Variants in LRRCC1 observed in about 807,000 individuals in gnomAD.
LRRCC1 encodes leucine-rich repeat and coiled-coil domain-containing protein 1.
In LRRCC1, 115 loss-of-function variants were observed where a neutral mutation model predicts 126.0. The observed-to-expected ratio is 0.91, with a 90% CI of 0.78 to 1.07. LRRCC1 has a LOEUF of 1.07. Ranked by LOEUF, LRRCC1 falls within the 50% of genes least tolerant of loss-of-function variation. The probability of loss-of-function intolerance (pLI) is 0.00; values close to 1 mark genes in which losing one functional copy is unlikely to be tolerated. For synonymous variants in LRRCC1, 400 were observed against 393.4 expected (o/e 1.02, Z -0.20); for missense variants, 1,172 against 1,175.7 (o/e 1.00, Z 0.05).
intron 9 of LRRCC1, among the ~76,000 whole-genome samples, chr8:85,127,590 A>T (rs2135963049): frequency 6.6e-6 from 1 of 152,158 alleles, no homozygotes; most frequent in East Asian, 1.9e-4. Flanking sequence ...CCCCTTCTAA[A>T]ATCTGATTTG....
intron 3 of LRRCC1, 71 bp downstream of exon 3, chr8:85,110,251 A>G (rs541205261): frequency 4.8e-6 from 3 of 625,462 alleles, no homozygotes; most frequent in Admixed American, 5.9e-5. Flanking sequence ...CAGCTCAGCT[A>G]AACATGTTGG....
At chr8:85,122,542 A>G (rs1477721748) in intron 6 of LRRCC1, among the ~76,000 whole-genome samples, 3 of 152,118 alleles carry the variant, frequency 2.0e-5, no homozygotes, top group Non-Finnish European at 4.4e-5. Flanking sequence ...TACTTCAGAC[A>G]TTGTATTTTT....
chr8:85,125,314 G>A (rs988034991), intron 8 of LRRCC1, among the ~76,000 whole-genome samples: 1 of 152,032 alleles, frequency 6.6e-6, no homozygotes, highest in African/African-American at 2.4e-5. Context: ...TCAAAAAAAT[G>A]TATATATTTC....
At position 85,115,485 on chromosome 8, in the gene LRRCC1, T is replaced by G; in HGVS notation, c.831T>G (p.Cys277Trp). 6.2e-7 allele frequency: 1 copy of G among 1,613,748 alleles called. No individual in the cohort carries two copies. Among genetic ancestry groups the G allele is most frequent in the South Asian group, 1.1e-5 (1 of 91,070 alleles). ...DAVLTSFMSV[C>W]QSSEPEKNNH... ...TGTTGACGTCTTTTATGTCTGTGTGTCAATCTTCTGAGCCAGAGAAAAATA... is the reference window on the plus strand; with the variant it reads ...TGTTGACGTCTTTTATGTCTGTGTGGCAATCTTCTGAGCCAGAGAAAAATA... Residue 277 changes from cysteine to tryptophan, a missense_variant, in exon 6 of 19, where the codon TGT (cysteine) becomes TGG (tryptophan). By Grantham distance (215) the Cys-to-Trp change is radical (BLOSUM62 -2). Transcript: ENST00000360375.
At chr8:85,123,895 G>C (rs1809761366) in intron 7 of LRRCC1, among the ~76,000 whole-genome samples, 1 of 152,054 alleles carries the variant, frequency 6.6e-6, no homozygotes, top group Non-Finnish European at 1.5e-5. Context: ...TCTAGGTTTA[G>C]TTCAATCAAA....
chr8:85,144,014 CATT>C (rs1811445976), intron 18 of LRRCC1, among the ~76,000 whole-genome samples: 1 of 152,074 alleles, frequency 6.6e-6, no homozygotes, highest in African/African-American at 2.4e-5. Flanking sequence ...ATATTGGTAA[CATT>C]ATCAGAAGTG....
In LRRCC1 at chr8:85,115,560, C is replaced by G; in HGVS notation, c.906C>G (p.Asp302Glu). ...QNEIKLQKLDDQILQLLNETS... is the reference protein window; with the variant it reads ...QNEIKLQKLDEQILQLLNETS... ...AGATAAAACTTCAGAAATTAGATGA[C>G]CAAATTCTACAACTTCTAAATGAAG... is the stretch of plus-strand genomic sequence containing the variant. The change falls in exon 6 of 19, where the codon GAC (aspartate) becomes GAG (glutamate). Residue 302 changes from aspartate to glutamate, a missense_variant. Coordinates refer to ENST00000360375, the MANE Select transcript of LRRCC1 (RefSeq NM_033402.5). 1 of 1,605,862 alleles carries G rather than the reference C, an allele frequency of 6.2e-7. No homozygotes were observed. Among genetic ancestry groups the G allele is most frequent in the Non-Finnish European group, 8.5e-7 (1 of 1,173,616 alleles).
In LRRCC1 at chr8:85,129,334, A is replaced by G. The variant is rs1255624680; in HGVS notation, c.1581A>G (p.Thr527=). 5.0e-6 allele frequency: 8 copies of G among 1,612,296 alleles called. No homozygotes were observed. Among genetic ancestry groups the G allele is most frequent in the South Asian group, 1.1e-5 (1 of 90,292 alleles). The change falls in exon 10 of 19, where the codon ACA becomes ACG. Residue 527 remains threonine (T), a synonymous_variant. Transcript: ENST00000360375. ...HLKHLRTLEK[T]LEKMERQKRQ... ...AACACTTAAGAACCCTCGAAAAAAC[A>G]TTAGAAAAAATGGAGAGACAAAAAA... is the stretch of plus-strand genomic sequence containing the variant.
chr8:85,123,560 A>G lies in LRRCC1; in HGVS notation c.1078A>G (p.Ile360Val). ...RSKIPYDAKTIQTIKHHNKNY... is the reference protein window; with the variant it reads ...RSKIPYDAKTVQTIKHHNKNY... The stretch of plus-strand genomic sequence containing the variant: ...AAAAATCCCTTATGATGCCAAAACC[A>G]TTCAAACTATTAAGCACCACAATAA... Residue 360 changes from isoleucine (I) to valine (V), a missense_variant, in exon 7 of 19, where the codon ATT becomes GTT. Ile to Val is a conservative substitution (Grantham distance 29, BLOSUM62 3). Coordinates refer to ENST00000360375, the MANE Select transcript of LRRCC1 (RefSeq NM_033402.5). 1 of 1,602,426 alleles carries G rather than the reference A, an allele frequency of 6.2e-7. No homozygotes were observed. Among genetic ancestry groups the G allele is most frequent in the Non-Finnish European group, 8.5e-7 (1 of 1,177,298 alleles).
In LRRCC1 at chr8:85,123,512, A is replaced by C. The variant is rs758911077; in HGVS notation, c.1030A>C (p.Asn344His). The C allele has an allele frequency of 1.9e-6, 3 of 1,611,784 alleles. No homozygotes were observed. The East Asian group carries it at 6.7e-5, about 36-fold the overall frequency. ...TGACTATGGAAACAGAAAAGAATGC[A>C]ATAGAAAAGTTCCTCGAAGATCAAA... ...ESDYGNRKEC[N>H]RKVPRRSKIP... The change falls in exon 7 of 19, where the codon AAT becomes CAT. Residue 344 changes from asparagine to histidine, a missense_variant. Physicochemically the swap from Asn to His is moderately conservative, Grantham distance 68. Coordinates refer to ENST00000360375, the MANE Select transcript of LRRCC1 (RefSeq NM_033402.5).
intron 6 of LRRCC1, among the ~76,000 whole-genome samples, chr8:85,117,571 C>T (rs7823815): frequency 0.18 from 26,655 of 152,020 alleles, 5,198 homozygotes; most frequent in African/African-American, 0.49. Context: ...CATTTATTTT[C>T]CTTAATCATG....
chr8:85,125,577 G>A (rs912300530), intron 8 of LRRCC1, among the ~76,000 whole-genome samples: 1 of 143,470 alleles, frequency 7.0e-6, no homozygotes, highest in Non-Finnish European at 1.5e-5. Context: ...GGAGGCTGAG[G>A]CAGGAGAATG....
In LRRCC1 at chr8:85,139,877, C is replaced by T. The variant is rs531556628; in HGVS notation, c.2840+1402C>T. On this transcript the variant is annotated intron_variant, in intron 17 of 18. Transcript: ENST00000360375. ...ATTTGATTTCTTGTTTTGACTCAGTCTAATGGGAAAGTGTTGTTACACTGC... is the reference window on the plus strand; with the variant it reads ...ATTTGATTTCTTGTTTTGACTCAGTTTAATGGGAAAGTGTTGTTACACTGC... Among the ~76,000 whole-genome samples the T allele has an allele frequency of 2.6e-5, 4 of 152,148 alleles. No individual in the cohort carries two copies. The South Asian group carries it at 8.3e-4, about 32-fold the overall frequency.
At chr8:85,144,228 G>T (rs1026057170) in intron 18 of LRRCC1, among the ~76,000 whole-genome samples, 4 of 151,856 alleles carry the variant, frequency 2.6e-5, no homozygotes, top group Non-Finnish European at 4.4e-5. Context: ...GGTTATTTCA[G>T]TTTTAAAAAT....
In LRRCC1 at chr8:85,137,557, A is replaced by T; in HGVS notation, c.2423A>T (p.Asp808Val). 6.4e-7 allele frequency: 1 copy of T among 1,553,960 alleles called. No individual in the cohort carries two copies. Among genetic ancestry groups the T allele is most frequent in the Non-Finnish European group, 8.7e-7 (1 of 1,155,002 alleles). ...NECLRKTNES[D>V]SDALRIKCKI... Reference sequence around the variant, plus strand: ...TGTCTGCGAAAGACAAATGAAAGTGATAGTGATGCATTAAGAATAAAGTGC... The same window carrying T: ...TGTCTGCGAAAGACAAATGAAAGTGTTAGTGATGCATTAAGAATAAAGTGC... Residue 808 changes from aspartate (D) to valine (V), a missense_variant, in exon 15 of 19, where the codon GAT becomes GTT. By Grantham distance (152) the Asp-to-Val change is radical. Coordinates refer to ENST00000360375, the MANE Select transcript of LRRCC1 (RefSeq NM_033402.5).
chr8:85,129,199 G>T lies in LRRCC1; in HGVS notation c.1446G>T (p.Glu482Asp). 6.2e-7 allele frequency: 1 copy of T among 1,610,844 alleles called. No homozygotes were observed. Among genetic ancestry groups the T allele is most frequent in the South Asian group, 1.1e-5 (1 of 90,314 alleles). Residue 482 changes from glutamate (E) to aspartate (D), a missense_variant, in exon 10 of 19, where the codon GAG (glutamate) becomes GAT (aspartate). Coordinates refer to ENST00000360375, the MANE Select transcript of LRRCC1 (RefSeq NM_033402.5). ...TDRLKEIIFR[E>D]RNSKGQLEVM... ...GGCTAAAGGAAATTATTTTTAGAGA[G>T]AGAAATTCCAAAGGACAACTCGAAG...
Position 85,129,333 on chromosome 8 carries a change from CATT to C in LRRCC1, c.1582_1584del (p.Leu528del). On this transcript the variant is annotated inframe_deletion, in exon 10 of 19. Transcript: ENST00000360375. ...AAACACTTAAGAACCCTCGAAAAAA[CATT>C]AGAAAAAATGGAGAGACAAAAAAGG... 1.9e-6 allele frequency: 3 copies of C among 1,611,870 alleles called. No individual in the cohort carries two copies. The highest frequency in any genetic ancestry group is 2.5e-6 in the Non-Finnish European group (3 of 1,179,540).
intron 3 of LRRCC1, among the ~76,000 whole-genome samples, chr8:85,112,226 C>T (rs752245074): frequency 6.6e-6 from 1 of 152,068 alleles, no homozygotes; most frequent in Admixed American, 6.6e-5. Context: ...TATAATTGTG[C>T]AGTCTGACTC....
Position 85,135,786 on chromosome 8 carries a change from C to T in LRRCC1, c.2155-3C>T. On this transcript the variant is annotated splice_polypyrimidine_tract_variant and splice_region_variant and intron_variant, in intron 13 of 18. Coordinates refer to ENST00000360375, the MANE Select transcript of LRRCC1 (RefSeq NM_033402.5). The stretch of plus-strand genomic sequence containing the variant: ...TCTTATTTTTTTTTTTGGGAATATA[C>T]AGAATCAAATCAACACCCTTGAAAT... 6.9e-7 allele frequency: 1 copy of T among 1,458,740 alleles called. No individual in the cohort carries two copies. The highest frequency in any genetic ancestry group is 9.1e-7 in the Non-Finnish European group (1 of 1,098,108). The allele number at this position is 1,458,740 out of a possible 1,614,324, so 90.4% of individuals were successfully genotyped here.
Sources: allele counts gnomAD v4.1 joint callset (sites outside exome capture counted in the v4.1 genomes callset), GRCh38; gene constraint gnomAD v4.1.1; transcripts MANE v1.5; gene names NCBI Gene and HGNC (gene_info 2026-07-23, HGNC 2026-07-21).